Variants in NCOR2 observed in about 807,000 individuals in gnomAD.
NCOR2 encodes CTG repeat protein 26.
NCOR2 carries 81 observed loss-of-function variants against 262.9 expected under a neutral mutation model. The ratio of observed to expected loss-of-function variants is 0.31; its 90% CI spans 0.26 to 0.37. The LOEUF is 0.37. Ranked by LOEUF, NCOR2 falls within the 10% of genes least tolerant of loss-of-function variation. The probability of loss-of-function intolerance (pLI) is 1.00; values close to 1 mark genes in which losing one functional copy is unlikely to be tolerated. For synonymous variants in NCOR2, 1,659 were observed against 1,559.3 expected, an observed-to-expected ratio of 1.06 and a Z score of -1.51; for missense variants, 3,385 against 3,621.4, an observed-to-expected ratio of 0.93 and a Z score of 1.68.
intron 1 of NCOR2, among the ~76,000 whole-genome samples, chr12:124,530,715 G>A (rs2050729804): frequency 6.6e-6 from 1 of 152,150 alleles, no homozygotes; most frequent in African/African-American, 2.4e-5. Flanking sequence ...TTGCCTCTCT[G>A]CCCCTCAGTC....
chr12:124,561,568 G>A (rs1452067507), intron 1 of NCOR2, among the ~76,000 whole-genome samples: 1 of 152,106 alleles, frequency 6.6e-6, no homozygotes, highest in African/African-American at 2.4e-5. Context: ...GGAAGTGGGG[G>A]AAGAAAGAGT....
chr12:124,479,668 G>A (rs2047333850), intron 3 of NCOR2, among the ~76,000 whole-genome samples: 1 of 152,256 alleles, frequency 6.6e-6, no homozygotes, highest in South Asian at 2.1e-4. Flanking sequence ...CCAGGAGGCT[G>A]AGCTAAAATT....
Position 124,334,969 on chromosome 12 carries a change from T to C in NCOR2, c.6411+166A>G, listed in dbSNP as rs2035752239. 1.1e-5 allele frequency: 11 copies of C among 1,029,830 alleles called. No homozygotes were observed. The South Asian group carries it at 1.6e-4, about 15-fold the overall frequency. The allele number at this position is 1,029,830 out of a possible 1,614,324, so 63.8% of individuals were successfully genotyped here. ...CGGTGATGGTGCCGGTGCTCGGGGCTTTGGGATCTCACCCTCACCCACGCC... is the reference window on the plus strand; with the variant it reads ...CGGTGATGGTGCCGGTGCTCGGGGCCTTGGGATCTCACCCTCACCCACGCC... On this transcript the variant is annotated intron_variant, in intron 40 of 46. Transcript: ENST00000405201.
Position 124,454,610 on chromosome 12 carries a change from G to A in NCOR2, c.762+2496C>T, listed in dbSNP as rs567613342. 6.6e-6 allele frequency among the ~76,000 whole-genome samples: 1 copy of A among 152,296 alleles called. No homozygotes were observed. The highest frequency in any genetic ancestry group is 2.1e-4 in the South Asian group (1 of 4,830). On this transcript the variant is annotated intron_variant, in intron 6 of 46. Coordinates refer to ENST00000405201, the Ensembl canonical transcript of NCOR2. The surrounding 1 kb of genome is among the most constrained non-coding windows in gnomAD (Gnocchi z 5.6). The stretch of plus-strand genomic sequence containing the variant: ...CGGGAGCGGGAGGACCCGGAAATCT[G>A]GAAATGCTTGGGAACTTCATCCAAC...
intron 37 of NCOR2, 73 bp downstream of exon 39, chr12:124,339,933 C>G: frequency 7.1e-7 from 1 of 1,411,076 alleles, no homozygotes; most frequent in Non-Finnish European, 9.7e-7. Context: ...ACCAAGCATC[C>G]TCTTATCTGC....
chr12:124,413,073 T>A (rs532641253), intron 13 of NCOR2, among the ~76,000 whole-genome samples: 8 of 152,230 alleles, frequency 5.3e-5, no homozygotes, highest in African/African-American at 1.9e-4. Flanking sequence ...CCCACAGGCT[T>A]CCCCTCCCTC....
Position 124,454,094 on chromosome 12 carries a change from G to A in NCOR2, c.762+3012C>T, listed in dbSNP as rs752214592. Among the ~76,000 whole-genome samples the A allele has an allele frequency of 3.9e-5, 6 of 152,178 alleles. No homozygotes were observed. The highest frequency in any genetic ancestry group is 7.3e-5 in the Non-Finnish European group (5 of 68,030). The stretch of plus-strand genomic sequence containing the variant: ...GTGCACCATGCAGCTGCCTCTGCTT[G>A]GAGGATGCCTGTGGCCACTCGGGCC... On this transcript the variant is annotated intron_variant, in intron 6 of 46. Transcript: ENST00000405201. This position sits in a 1 kb window ranked among gnomAD's most constrained non-coding sequence, Gnocchi z 5.6.
chr12:124,519,957 T>C, intron 1 of NCOR2, among the ~76,000 whole-genome samples: 1 of 152,202 alleles, frequency 6.6e-6, no homozygotes, highest in South Asian at 2.1e-4. Context: ...GTCTCCGCTA[T>C]CCACGTGGTA....
chr12:124,502,219 G>A (rs981375900), intron 1 of NCOR2, among the ~76,000 whole-genome samples: 1 of 152,238 alleles, frequency 6.6e-6, no homozygotes, highest in Non-Finnish European at 1.5e-5. Context: ...AATGAGGAAG[G>A]GGGTGAAGAG....
intron 17 of NCOR2, among the ~76,000 whole-genome samples, chr12:124,381,579 C>T (rs2040411758): frequency 6.6e-6 from 1 of 152,224 alleles, no homozygotes; most frequent in Admixed American, 6.5e-5. Context: ...GATGAATGAA[C>T]CTGATAGACA....
chr12:124,363,692 G>A, exon 21 of NCOR2: 3 of 1,392,524 alleles, frequency 2.2e-6, no homozygotes, highest in East Asian at 2.7e-5. Flanking sequence ...GGGGGGGATG[G>A]CAGCCGCTCG....
exon 40 of NCOR2, chr12:124,335,250 T>A: frequency 6.2e-7 from 1 of 1,606,978 alleles, no homozygotes. Flanking sequence ...GTGTGGGAGG[T>A]GGGCGGCCTC....
chr12:124,372,338 T>C (rs2039574303), exon 20 of NCOR2: 1 of 1,518,780 alleles, frequency 6.6e-7, no homozygotes, highest in Non-Finnish European at 8.8e-7. Context: ...GCTGCTGCGG[T>C]CTCCTCCTCC....
rs1109271 is a variant in NCOR2, at chr12:124,372,653, G to A, written c.2219-43C>T. 33 of 1,544,902 alleles carry A rather than the reference G, an allele frequency of 2.1e-5. No individual in the cohort carries two copies. In the East Asian group the frequency reaches 3.4e-4, roughly 16 times the overall value. On this transcript the variant is annotated intron_variant, in intron 19 of 46. Transcript: ENST00000405201. The stretch of plus-strand genomic sequence containing the variant: ...GAAGAGGGGATGAGCAGGGTCTGGC[G>A]GGGCCTCCAGAAGAGATGCATGGCC...
intron 7 of NCOR2, among the ~76,000 whole-genome samples, chr12:124,445,306 C>G (rs1483459926): frequency 1.3e-5 from 2 of 152,292 alleles, no homozygotes; most frequent in Admixed American, 1.3e-4. Context: ...CTCGATGGAG[C>G]CCCCATCTCC....
At chr12:124,325,413 C>T (rs897710434) in exon 47 of NCOR2, 56 of 796,996 alleles carry the variant, frequency 7.0e-5, no homozygotes, top group Non-Finnish European at 8.6e-5. Flanking sequence ...CACTCGCTGT[C>T]GGAGAGTGTC....
intron 3 of NCOR2, among the ~76,000 whole-genome samples, chr12:124,474,674 G>T (rs2047004518): frequency 6.6e-6 from 1 of 152,162 alleles, no homozygotes; most frequent in Non-Finnish European, 1.5e-5. Flanking sequence ...TGCCCAATGG[G>T]GAGAACAGCT....
exon 25 of NCOR2, chr12:124,354,884 C>A (rs1204164507): frequency 1.2e-6 from 2 of 1,612,180 alleles, no homozygotes; most frequent in African/African-American, 2.7e-5. Flanking sequence ...GGTGACAGGG[C>A]CCACCGGGGC....
rs1343814782 is a variant in NCOR2 at position 124,459,647 on chromosome 12, G to A, written c.706-2485C>T. Among the ~76,000 whole-genome samples the A allele has an allele frequency of 2.0e-5, 3 of 152,178 alleles. No homozygotes were observed. The South Asian group carries it at 6.2e-4, about 32-fold the overall frequency. On this transcript the variant is annotated intron_variant, in intron 5 of 46. Coordinates refer to ENST00000405201, the Ensembl canonical transcript of NCOR2. ...CCCATGACCTCTGCAAGGACGTTCT[G>A]CAGGGAGCAAAGTGAAGTGCATGTC...
Sources: allele counts gnomAD v4.1 joint callset (sites outside exome capture counted in the v4.1 genomes callset), GRCh38; gene constraint gnomAD v4.1.1; non-coding constraint Gnocchi (gnomAD v3.1); transcripts MANE v1.5; gene names NCBI Gene and HGNC (gene_info 2026-07-23, HGNC 2026-07-21).